LAP3: variants seen among roughly 807,000 people sequenced by gnomAD.
LAP3 encodes leucine aminopeptidase 3, also known as cytosol aminopeptidase.
A neutral mutation model predicts 58.8 loss-of-function variants in LAP3; 46 were observed. That is an observed-to-expected ratio of 0.78 (90% CI 0.62 to 1.00). LAP3 has a LOEUF of 1.00. Ranked by LOEUF, LAP3 falls within the 50% of genes least tolerant of loss-of-function variation. The pLI, the probability that LAP3 is intolerant of heterozygous loss-of-function variation, is 0.00. For missense variants in LAP3, 615 were observed against 659.1 expected (o/e 0.93, Z 0.73); for synonymous variants, 257 against 237.7 (o/e 1.08, Z -0.75).
chr4:17,577,628 C>T, intron 1 of LAP3, 61 bp downstream of exon 1: 2 of 1,342,504 alleles, frequency 1.5e-6, no homozygotes, highest in Non-Finnish European at 2.0e-6. Flanking sequence ...GCTACTGGGG[C>T]TGCGGGGCTG....
intron 12 of LAP3, 120 bp downstream of exon 12, chr4:17,607,058 C>A: frequency 1.6e-6 from 1 of 616,712 alleles, no homozygotes; most frequent in Non-Finnish European, 2.7e-6. Context: ...TGGTGTAGTG[C>A]TTGTAAGATT....
At chr4:17,587,259 G>T (rs991533591) in intron 6 of LAP3, among the ~76,000 whole-genome samples, 3 of 152,166 alleles carry the variant, frequency 2.0e-5, no homozygotes, top group Admixed American at 6.5e-5. Flanking sequence ...ACGCATGGGT[G>T]GGGTATGACT....
chr4:17,604,270 CAAAAA>C (rs1188734524), intron 10 of LAP3, among the ~76,000 whole-genome samples: 13 of 51,084 alleles, frequency 2.5e-4, no homozygotes, highest in Non-Finnish European at 5.1e-4. Context: ...AGACCTTTCT[CAAAAA>C]AAAAAAAAAA....
At position 17,604,617 on chromosome 4, in the gene LAP3, G is replaced by A. The variant is rs1476951987; in HGVS notation, c.1210G>A (p.Ala404Thr). 3 of 1,614,070 alleles carry A rather than the reference G, an allele frequency of 1.9e-6. No individual in the cohort carries two copies. Among genetic ancestry groups the A allele is most frequent in the Middle Eastern group, 1.7e-4 (1 of 6,060 alleles). ...GAMDVALGSG[A>T]TGVFTNSSWL... ...CATGGATGTAGCTTTGGGATCAGGTGCCACTGGGGTCTTTACCAATTCATC... is the reference window on the plus strand; with the variant it reads ...CATGGATGTAGCTTTGGGATCAGGTACCACTGGGGTCTTTACCAATTCATC... Residue 404 changes from alanine (A) to threonine (T), a missense_variant, in exon 11 of 13, where the codon GCC becomes ACC. Physicochemically the swap from Ala to Thr is moderately conservative, Grantham distance 58. Transcript: ENST00000226299.
At chr4:17,587,912 G>A (rs1050322208) in intron 6 of LAP3, among the ~76,000 whole-genome samples, 1 of 151,572 alleles carries the variant, frequency 6.6e-6, no homozygotes, top group South Asian at 2.1e-4. Flanking sequence ...CCAGTCATTG[G>A]GATATAGCTT....
At chr4:17,589,035 T>C in intron 7 of LAP3, 58 bp downstream of exon 7, 1 of 1,560,584 alleles carries the variant, frequency 6.4e-7, no homozygotes, top group South Asian at 1.2e-5. Flanking sequence ...TGCAGTTTAA[T>C]TACTTGGTTA....
chr4:17,598,667 T>C, intron 10 of LAP3, 109 bp downstream of exon 10: 1 of 718,108 alleles, frequency 1.4e-6, no homozygotes, highest in Non-Finnish European at 2.5e-6. Flanking sequence ...GCTTGGTCCA[T>C]TGGCATTCAA....
intron 11 of LAP3, among the ~76,000 whole-genome samples, 173 bp from the exon 12 acceptor site, chr4:17,606,656 T>G (rs1370736110): frequency 6.6e-6 from 1 of 151,998 alleles, no homozygotes; most frequent in Non-Finnish European, 1.5e-5. Flanking sequence ...TCTTTTATAG[T>G]TCTAAAATAA....
In LAP3 at chr4:17,595,154, C is replaced by T. The variant is rs374987785; in HGVS notation, c.864-256C>T. ...TCTACTAAAATCACAAAAAAATTAG[C>T]CAGGCATGGTGGCAGCTGGGACTAC... On this transcript the variant is annotated intron_variant, in intron 7 of 12. Transcript: ENST00000226299. 9.1e-4 allele frequency among the ~76,000 whole-genome samples: 137 copies of T among 150,288 alleles called. 5 individuals are homozygous for T. In the South Asian group the frequency reaches 0.027, roughly 29 times the overall value.
At position 17,604,661 on chromosome 4, in the gene LAP3, C is replaced by T; in HGVS notation, c.1254C>T (p.Leu418=). 1.9e-6 allele frequency: 3 copies of T among 1,607,186 alleles called. No homozygotes were observed. Among genetic ancestry groups the T allele is most frequent in the South Asian group, 2.2e-5 (2 of 90,910 alleles). Residue 418 remains leucine, a synonymous_variant, in exon 11 of 13, where the codon CTC becomes CTT. Coordinates refer to ENST00000226299, the MANE Select transcript of LAP3 (RefSeq NM_015907.3). ...FTNSSWLWNK[L]FEASIETGDR... ...ATTCATCCTGGCTCTGGAACAAACT[C>T]TTCGAGGTAGGAATAATATTTGTAT... is the stretch of plus-strand genomic sequence containing the variant.
At chr4:17,604,745 A>G (rs1560152906) in intron 11 of LAP3, 78 bp downstream of exon 11, 10 of 1,121,902 alleles carry the variant, frequency 8.9e-6, no homozygotes, top group Non-Finnish European at 1.3e-6. Flanking sequence ...AGACTTCTTC[A>G]ACCCTGTGTT....
chr4:17,602,117 T>C (rs539130499), intron 10 of LAP3, among the ~76,000 whole-genome samples: 1 of 152,194 alleles, frequency 6.6e-6, no homozygotes, highest in Non-Finnish European at 1.5e-5. Flanking sequence ...GTTTCAGTGC[T>C]GCCTCCTCTG....
chr4:17,591,974 G>C lies in LAP3; in HGVS notation c.863+2997G>C, dbSNP rs1447462000. 3.4e-5 allele frequency among the ~76,000 whole-genome samples: 5 copies of C among 148,040 alleles called. No individual in the cohort carries two copies. In the East Asian group the frequency reaches 7.7e-4, roughly 23 times the overall value. ...GAGTTTTAACAAATGTGTGCACCTT[G>C]GGGGGGTGCAGTGGCATACACCTGT... On this transcript the variant is annotated intron_variant, in intron 7 of 12. Coordinates refer to ENST00000226299, the MANE Select transcript of LAP3 (RefSeq NM_015907.3).
At chr4:17,589,887 T>G (rs1713635990) in intron 7 of LAP3, among the ~76,000 whole-genome samples, 1 of 152,238 alleles carries the variant, frequency 6.6e-6, no homozygotes, top group South Asian at 2.1e-4. Flanking sequence ...CTTCAGATGA[T>G]TACTTCTTTT....
At chr4:17,578,707 A>G (rs1713275947) in intron 1 of LAP3, among the ~76,000 whole-genome samples, 1 of 152,260 alleles carries the variant, frequency 6.6e-6, no homozygotes, top group Non-Finnish European at 1.5e-5. Flanking sequence ...AAGTATTACT[A>G]GGTTTGCTTC....
intron 10 of LAP3, among the ~76,000 whole-genome samples, chr4:17,603,033 C>T (rs1313979559): frequency 1.3e-5 from 2 of 151,302 alleles, no homozygotes; most frequent in African/African-American, 4.9e-5. Flanking sequence ...CACAGCCAGG[C>T]GCGATGGCTC....
Position 17,578,883 on chromosome 4 carries a change from A to T in LAP3, c.103-941A>T, listed in dbSNP as rs11730717. 6.4e-3 allele frequency among the ~76,000 whole-genome samples: 975 copies of T among 152,276 alleles called. 10 individuals carry two copies. The highest frequency in any genetic ancestry group is 8.2e-3 in the Non-Finnish European group (558 of 68,014). On this transcript the variant is annotated intron_variant, in intron 1 of 12. Coordinates refer to ENST00000226299, the MANE Select transcript of LAP3 (RefSeq NM_015907.3). Reference sequence around the variant, plus strand: ...GGCAACAGTCCTTACGATGGGAGGCACAGCCATTGGCTTGACTGGAACGGC... The same window carrying T: ...GGCAACAGTCCTTACGATGGGAGGCTCAGCCATTGGCTTGACTGGAACGGC...
rs1329209451 is a variant in LAP3 at position 17,583,544 on chromosome 4, C to T, written c.441C>T (p.Asp147=). Residue 147 remains aspartate (D), a synonymous_variant, in exon 5 of 13, where the codon GAC becomes GAT. Coordinates refer to ENST00000226299, the MANE Select transcript of LAP3 (RefSeq NM_015907.3). ...LSSVEVDPCG[D]AQAAAEGAVL... ...CTGTGGAGGTGGATCCCTGTGGAGA[C>T]GCTCAGGCTGCTGCGGAGGGAGCGG... 1.8e-5 allele frequency: 29 copies of T among 1,613,962 alleles called. No homozygotes were observed. The highest frequency in any genetic ancestry group is 5.5e-5 in the South Asian group (5 of 91,078).
At chr4:17,580,461 G>A (rs1399580481) in intron 2 of LAP3, among the ~76,000 whole-genome samples, 2 of 151,812 alleles carry the variant, frequency 1.3e-5, no homozygotes, top group Admixed American at 6.6e-5. Flanking sequence ...GTTCTGGGAA[G>A]TCAGGCCATT....
Sources: allele counts gnomAD v4.1 joint callset (sites outside exome capture counted in the v4.1 genomes callset), GRCh38; gene constraint gnomAD v4.1.1; transcripts MANE v1.5; gene names NCBI Gene and HGNC (gene_info 2026-07-23, HGNC 2026-07-21).